CREB5: variants seen among roughly 807,000 people sequenced by gnomAD.
CREB5 encodes the protein cyclic AMP-responsive element-binding protein 5.
CREB5 carries 19 observed loss-of-function variants against 57.1 expected under a neutral mutation model. The ratio of observed to expected loss-of-function variants is 0.33; its 90% CI spans 0.23 to 0.49. The LOEUF is 0.49. CREB5 is among the 20% of genes least tolerant of loss of function. The pLI is 0.99. For synonymous variants in CREB5, 238 were observed against 238.3 expected (o/e 1.00, Z 0.01); for missense variants, 579 against 671.6 (o/e 0.86, Z 1.52).
intron 5 of CREB5, among the ~76,000 whole-genome samples, chr7:28,636,025 C>G (rs1038908465): frequency 5.7e-4 from 87 of 152,222 alleles, no homozygotes; most frequent in African/African-American, 1.8e-3. Context: ...GCCACAAAAT[C>G]AAAGGATTAT....
At chr7:28,731,833 C>T (rs945419527) in intron 7 of CREB5, among the ~76,000 whole-genome samples, 4 of 152,164 alleles carry the variant, frequency 2.6e-5, no homozygotes, top group South Asian at 2.1e-4. Context: ...TCAAATTCCC[C>T]GAAGGAATGG....
intron 7 of CREB5, among the ~76,000 whole-genome samples, chr7:28,725,463 C>T (rs1263464131): frequency 6.6e-6 from 1 of 152,136 alleles, no homozygotes; most frequent in Non-Finnish European, 1.5e-5. Context: ...TTTGCTGTGC[C>T]ACAGTCCCTG....
In CREB5 at chr7:28,596,253, C is replaced by T. The variant is rs879285222; in HGVS notation, c.464+25716C>T. Among the ~76,000 whole-genome samples, 7 of 152,116 alleles carry T rather than the reference C, an allele frequency of 4.6e-5. 1 individual carries two copies. The highest frequency in any genetic ancestry group is 2.6e-4 in the Admixed American group (4 of 15,274). ...ACTTTTACTAAATATTTGAGCAGTCCGGTCAGCATCAAAGTCAGAGAAGCT... is the reference window on the plus strand; with the variant it reads ...ACTTTTACTAAATATTTGAGCAGTCTGGTCAGCATCAAAGTCAGAGAAGCT... On this transcript the variant is annotated intron_variant, in intron 5 of 10. Coordinates refer to ENST00000357727, the MANE Select transcript of CREB5 (RefSeq NM_182898.4).
chr7:28,480,526 A>G (rs546594316), intron 1 of CREB5, among the ~76,000 whole-genome samples: 1 of 150,090 alleles, frequency 6.7e-6, no homozygotes, highest in South Asian at 2.2e-4. Flanking sequence ...CTTTTTGTGC[A>G]CAGTGAGAGC....
chr7:28,366,022 AAC>A (rs1286490825), intron 1 of CREB5, among the ~76,000 whole-genome samples: 1 of 152,196 alleles, frequency 6.6e-6, no homozygotes, highest in Non-Finnish European at 1.5e-5. Context: ...GTGAAATCTA[AAC>A]ACCATAGAAA....
intron 1 of CREB5, among the ~76,000 whole-genome samples, chr7:28,400,596 A>C (rs77710767): frequency 0.012 from 1,864 of 152,304 alleles, 33 homozygotes; most frequent in African/African-American, 0.042. Flanking sequence ...AGAGCCAGGT[A>C]GGGAAGCTTT....
intron 5 of CREB5, among the ~76,000 whole-genome samples, chr7:28,669,194 T>C (rs551077894): frequency 2.0e-5 from 3 of 152,148 alleles, no homozygotes; most frequent in Non-Finnish European, 2.9e-5. Flanking sequence ...TCAAGATGTA[T>C]TGAGAAAAAT....
At chr7:28,350,923 A>T (rs570039734) in intron 1 of CREB5, among the ~76,000 whole-genome samples, 11 of 152,308 alleles carry the variant, frequency 7.2e-5, no homozygotes, top group Non-Finnish European at 1.3e-4. Context: ...TATTTTCTGA[A>T]GGCTCTTTGA....
At chr7:28,642,444 C>A (rs373436339) in intron 5 of CREB5, among the ~76,000 whole-genome samples, 3 of 152,142 alleles carry the variant, frequency 2.0e-5, no homozygotes, top group Admixed American at 6.5e-5. Flanking sequence ...ACAAACGTAA[C>A]TATTTAGTTC....
At chr7:28,722,780 G>A (rs1803115830) in intron 6 of CREB5, among the ~76,000 whole-genome samples, 1 of 152,178 alleles carries the variant, frequency 6.6e-6, no homozygotes, top group Non-Finnish European at 1.5e-5. Context: ...CCAGATGACT[G>A]ATCAGCTCAT....
chr7:28,765,737 A>T (rs1288050763), intron 7 of CREB5, among the ~76,000 whole-genome samples: 1 of 152,236 alleles, frequency 6.6e-6, no homozygotes, highest in African/African-American at 2.4e-5. Flanking sequence ...GTTACACCAG[A>T]TCTCAAGACC....
intron 1 of CREB5, among the ~76,000 whole-genome samples, chr7:28,337,064 A>C (rs1245875841): frequency 6.6e-6 from 1 of 152,002 alleles, no homozygotes; most frequent in Non-Finnish European, 1.5e-5. Flanking sequence ...AAGATACTTG[A>C]TATTATTTCA....
At chr7:28,509,427 A>G (rs1792610986) in intron 4 of CREB5, among the ~76,000 whole-genome samples, 1 of 152,192 alleles carries the variant, frequency 6.6e-6, no homozygotes, top group Non-Finnish European at 1.5e-5. Context: ...CTCCTTATGG[A>G]CATGAGAATC....
In CREB5 at chr7:28,494,946, A is replaced by G; in HGVS notation, c.116A>G (p.Lys39Arg). ...GACCATCTGATGATTCATAGGCACA[A>G]ACATGAAATGACTTTGAAGTTTCCT... ...TEDHLMIHRH[K>R]HEMTLKFPSI... The change falls in exon 3 of 11, where the codon AAA becomes AGA. Residue 39 changes from lysine (K) to arginine (R), a missense_variant. Physicochemically the swap from Lys to Arg is conservative, Grantham distance 26 (BLOSUM62 2). Coordinates refer to ENST00000357727, the MANE Select transcript of CREB5 (RefSeq NM_182898.4). 1.2e-6 allele frequency: 2 copies of G among 1,609,294 alleles called. No homozygotes were observed. The highest frequency in any genetic ancestry group is 2.2e-5 in the East Asian group (1 of 44,716).
chr7:28,328,623 G>A (rs1353580847), intron 1 of CREB5, among the ~76,000 whole-genome samples: 1 of 152,094 alleles, frequency 6.6e-6, no homozygotes, highest in Non-Finnish European at 1.5e-5. Flanking sequence ...TATCTGCAAC[G>A]ACTCTTCCAA....
At chr7:28,770,234 G>A (rs1806249290) in intron 7 of CREB5, among the ~76,000 whole-genome samples, 1 of 152,194 alleles carries the variant, frequency 6.6e-6, no homozygotes, top group East Asian at 1.9e-4. Context: ...GGTCTGTTTT[G>A]CCATCCAGAG....
At chr7:28,755,673 T>A (rs1805258142) in intron 7 of CREB5, among the ~76,000 whole-genome samples, 1 of 152,128 alleles carries the variant, frequency 6.6e-6, no homozygotes. Context: ...AAGCTAGGAA[T>A]ATTACAGTTC....
rs1793558291 is a variant in CREB5, at chr7:28,528,577, G to A, written c.291+20840G>A. Among the ~76,000 whole-genome samples the A allele has an allele frequency of 1.3e-5, 2 of 152,096 alleles. 1 individual carries two copies. Among genetic ancestry groups the A allele is most frequent in the South Asian group, 4.2e-4 (2 of 4,810 alleles). On this transcript the variant is annotated intron_variant, in intron 4 of 10. Transcript: ENST00000357727. Reference sequence around the variant, plus strand: ...AAATTAGCCAAGTGTGGTGGCACATGCCTGTAATCCCAGCTACTCGGGAGG... The same window carrying A: ...AAATTAGCCAAGTGTGGTGGCACATACCTGTAATCCCAGCTACTCGGGAGG...
intron 1 of CREB5, among the ~76,000 whole-genome samples, chr7:28,380,446 T>A (rs188635765): frequency 2.6e-5 from 4 of 152,180 alleles, no homozygotes; most frequent in Admixed American, 6.5e-5. Context: ...CCAGGTCTGC[T>A]GCGATGGTGC....
Sources: allele counts gnomAD v4.1 joint callset (sites outside exome capture counted in the v4.1 genomes callset), GRCh38; gene constraint gnomAD v4.1.1; transcripts MANE v1.5; gene names NCBI Gene and HGNC (gene_info 2026-07-23, HGNC 2026-07-21).